The following SENP7 variants were observed in gnomAD, a reference collection of about 807,000 sequenced individuals.
SENP7 encodes SUMO specific peptidase 7.
Under a neutral mutation model 141.2 loss-of-function variants are expected in SENP7, and 64 were observed. The ratio of observed to expected loss-of-function variants is 0.45; its 90% CI spans 0.37 to 0.56. The LOEUF is 0.56. Among genes scored for constraint, SENP7 ranks in the 20% least tolerant of loss-of-function variants. The pLI, the probability that SENP7 is intolerant of heterozygous loss-of-function variation, is 0.00. For synonymous variants in SENP7, 382 were observed against 426.4 expected, an observed-to-expected ratio of 0.90 and a Z score of 1.28; for missense variants, 1,025 against 1,212.2, an observed-to-expected ratio of 0.85 and a Z score of 2.29.
At chr3:101,401,923 G>A in intron 5 of SENP7, among the ~76,000 whole-genome samples, 1 of 151,266 alleles carries the variant, frequency 6.6e-6, no homozygotes, top group East Asian at 2.0e-4. Context: ...GATCAAGGCT[G>A]TAGTGAGCCA....
At chr3:101,330,437 C>T in intron 19 of SENP7, 51 bp from the exon 20 acceptor site, 2 of 1,259,502 alleles carry the variant, frequency 1.6e-6, no homozygotes, top group Non-Finnish European at 2.3e-6. Flanking sequence ...TGTTTTTATA[C>T]AGGTAACTTA....
intron 23 of SENP7, 107 bp from the exon 24 acceptor site, chr3:101,326,187 C>A: frequency 1.1e-6 from 1 of 873,092 alleles, no homozygotes; most frequent in Non-Finnish European, 1.7e-6. Context: ...TTTAAAATAA[C>A]AATTATATTA....
At chr3:101,465,569 A>G (rs566642298) in intron 3 of SENP7, among the ~76,000 whole-genome samples, 1 of 152,324 alleles carries the variant, frequency 6.6e-6, no homozygotes, top group Admixed American at 6.5e-5. Context: ...AAAAATCATA[A>G]AAGATTACAT....
intron 4 of SENP7, among the ~76,000 whole-genome samples, chr3:101,426,294 T>C (rs902101578): frequency 1.3e-4 from 20 of 152,002 alleles, no homozygotes; most frequent in Non-Finnish European, 2.5e-4. Flanking sequence ...GAAAAAATGT[T>C]ACAGGCAGCT....
chr3:101,463,378 T>TATATATATATACATATATAC (rs1553744685), intron 3 of SENP7, among the ~76,000 whole-genome samples: 1 of 84,410 alleles, frequency 1.2e-5, no homozygotes. Context: ...TATATATATA[T>TATATATATATACATATATAC]ATATATATAT....
chr3:101,328,836 T>C, intron 20 of SENP7, 147 bp from the exon 21 acceptor site: 1 of 647,930 alleles, frequency 1.5e-6, no homozygotes, highest in Non-Finnish European at 2.7e-6. Context: ...AACTTCATTT[T>C]CCACAAATTT....
chr3:101,454,961 T>G (rs1335604262), intron 4 of SENP7, among the ~76,000 whole-genome samples: 1 of 152,224 alleles, frequency 6.6e-6, no homozygotes, highest in East Asian at 1.9e-4. Flanking sequence ...AATTATTTAA[T>G]TATTGAATTA....
intron 6 of SENP7, among the ~76,000 whole-genome samples, chr3:101,387,709 A>C (rs2060698937): frequency 6.6e-6 from 1 of 152,156 alleles, no homozygotes; most frequent in African/African-American, 2.4e-5. Flanking sequence ...CCTGCCAGCC[A>C]CCGCTTAAGT....
intron 10 of SENP7, among the ~76,000 whole-genome samples, chr3:101,362,206 T>A (rs1216842981): frequency 6.6e-6 from 1 of 152,198 alleles, no homozygotes; most frequent in Non-Finnish European, 1.5e-5. Context: ...AAACATATAT[T>A]GTACTTTTGT....
rs377579284 is a variant in SENP7, at chr3:101,510,843, C to CAAAAAAAAA, written c.40+2239_40+2247dup. On this transcript the variant is annotated intron_variant, in intron 1 of 23. Coordinates refer to ENST00000394095, the MANE Select transcript of SENP7 (RefSeq NM_020654.5). ...TGGGCAACAGAGCGAGACTCCATCT[C>CAAAAAAAAA]AAAAAAAAAAAAAAAAAAAAGTCAC... is the stretch of plus-strand genomic sequence containing the variant. Among the ~76,000 whole-genome samples the CAAAAAAAAA allele has an allele frequency of 2.5e-3, 193 of 78,200 alleles. 9 individuals carry two copies. Among genetic ancestry groups the CAAAAAAAAA allele is most frequent in the African/African-American group, 3.8e-3 (76 of 20,048 alleles). The allele number at this position is 78,200 out of a possible 152,430, so 51.3% of individuals were successfully genotyped here.
At chr3:101,491,277 C>T (rs1307369233) in intron 3 of SENP7, among the ~76,000 whole-genome samples, 1 of 151,332 alleles carries the variant, frequency 6.6e-6, no homozygotes, top group Non-Finnish European at 1.5e-5. Flanking sequence ...TGCACAAGAC[C>T]ACGCCTAGCT....
intron 4 of SENP7, among the ~76,000 whole-genome samples, chr3:101,425,023 T>G (rs539108680): frequency 6.6e-6 from 1 of 152,328 alleles, no homozygotes; most frequent in South Asian, 2.1e-4. Context: ...TCCACCGCCA[T>G]GTAAGATGTT....
chr3:101,394,721 C>G (rs1394669333), intron 6 of SENP7, among the ~76,000 whole-genome samples: 2 of 151,880 alleles, frequency 1.3e-5, no homozygotes, highest in African/African-American at 2.4e-5. Context: ...TGAGAAATCT[C>G]CATACTGCTT....
intron 6 of SENP7, among the ~76,000 whole-genome samples, chr3:101,374,987 AT>A (rs1352771367): frequency 6.6e-6 from 1 of 152,158 alleles, no homozygotes; most frequent in Non-Finnish European, 1.5e-5. Context: ...AGACATACAA[AT>A]GGCCAATTAG....
intron 4 of SENP7, among the ~76,000 whole-genome samples, chr3:101,425,183 G>A (rs1480729021): frequency 1.3e-5 from 2 of 152,104 alleles, no homozygotes; most frequent in Non-Finnish European, 2.9e-5. Context: ...ACTGCTGCTG[G>A]CACATGCAAA....
At chr3:101,493,845 C>T in intron 3 of SENP7, 28 bp downstream of exon 3, 1 of 1,319,356 alleles carries the variant, frequency 7.6e-7, no homozygotes, top group Non-Finnish European at 1.1e-6. Context: ...AAACTGTATA[C>T]TTAAAATAAA....
At chr3:101,385,091 T>C (rs972748605) in intron 6 of SENP7, among the ~76,000 whole-genome samples, 1 of 152,070 alleles carries the variant, frequency 6.6e-6, no homozygotes, top group Non-Finnish European at 1.5e-5. Context: ...CTTGTTAGAG[T>C]ATAACAGATT....
chr3:101,494,042 A>G, intron 2 of SENP7, 74 bp from the exon 3 acceptor site: 1 of 839,848 alleles, frequency 1.2e-6, no homozygotes, highest in South Asian at 1.7e-5. Flanking sequence ...CAGAACCACT[A>G]TACTACCCTG....
chr3:101,332,882 A>G lies in SENP7; in HGVS notation c.2481-20T>C, dbSNP rs2059091916. 6.4e-7 allele frequency: 1 copy of G among 1,563,092 alleles called. No homozygotes were observed. Among genetic ancestry groups the G allele is most frequent in the African/African-American group, 1.4e-5 (1 of 71,942 alleles). ...GCCATTCTGAGAGTATGAAAGACAG[A>G]TTTGATATATAAAAATTTTTTCATT... On this transcript the variant is annotated intron_variant, in intron 17 of 23. Transcript: ENST00000394095.
Sources: gnomAD v4.1 joint callset for allele counts (sites outside exome capture counted in the v4.1 genomes callset) on GRCh38, gnomAD v4.1.1 for gene constraint, MANE v1.5 for transcripts, NCBI Gene and HGNC (gene_info 2026-07-23, HGNC 2026-07-21) for gene names.